ASB15: variants seen among roughly 807,000 people sequenced by gnomAD.
ASB15 encodes ankyrin repeat and SOCS box protein 15.
A neutral mutation model predicts 58.0 loss-of-function variants in ASB15; 54 were observed. The ratio of observed to expected loss-of-function variants is 0.93; its 90% confidence interval spans 0.75 to 1.17. The LOEUF (loss-of-function observed/expected upper bound fraction) is 1.17. Among genes scored for constraint, ASB15 ranks in the 50% most tolerant of loss-of-function variants. The pLI, the probability that ASB15 is intolerant of heterozygous loss-of-function variation, is 0.00. For missense variants in ASB15, 680 were observed against 707.4 expected, an observed-to-expected ratio of 0.96 and a Z score of 0.44; for synonymous variants, 249 against 262.4, an observed-to-expected ratio of 0.95 and a Z score of 0.50.
intron 3 of ASB15, among the ~76,000 whole-genome samples, chr7:123,612,753 A>G (rs1211864866): frequency 3.3e-5 from 5 of 152,208 alleles, no homozygotes; most frequent in African/African-American, 1.2e-4. Context: ...AAGAGCCCGA[A>G]TTATATTTCA....
At chr7:123,618,534 A>G (rs959699139) in intron 7 of ASB15, among the ~76,000 whole-genome samples, 7 of 152,310 alleles carry the variant, frequency 4.6e-5, no homozygotes, top group African/African-American at 1.7e-4. Context: ...TAGAGAAAAA[A>G]TATATAAAAG....
chr7:123,618,740 T>A (rs561634772), intron 7 of ASB15, among the ~76,000 whole-genome samples: 2 of 151,984 alleles, frequency 1.3e-5, no homozygotes, highest in South Asian at 4.2e-4. Flanking sequence ...CACAGAGGAA[T>A]CACTTAAAAA....
At chr7:123,582,666 C>T (rs1299516333) in intron 1 of ASB15, among the ~76,000 whole-genome samples, 1 of 151,868 alleles carries the variant, frequency 6.6e-6, no homozygotes, top group Non-Finnish European at 1.5e-5. Context: ...CTCGAAAACT[C>T]CTTCTTATCC....
rs1374607540 is a variant in ASB15, at chr7:123,627,166, G to A, written c.754G>A (p.Gly252Arg). The change falls in exon 9 of 12, where the codon GGA becomes AGA. Residue 252 changes from glycine to arginine, a missense_variant. Physicochemically the swap from Gly to Arg is moderately radical, Grantham distance 125. Coordinates refer to ENST00000451215, the MANE Select transcript of ASB15 (RefSeq NM_001290258.2). ...GGCGTCGGTGCTGTTTGAGGCAGCA[G>A]GAGGTGGCAATCCCGACTGCATTTC... ...DGASVLFEAAGGGNPDCISLL... is the reference protein window; with the variant it reads ...DGASVLFEAARGGNPDCISLL... 2.5e-6 allele frequency: 4 copies of A among 1,614,084 alleles called. No homozygotes were observed. The highest frequency in any genetic ancestry group is 3.4e-6 in the Non-Finnish European group (4 of 1,179,968).
At chr7:123,599,688 A>G (rs371788849), upstream of ASB15, among the ~76,000 whole-genome samples, 26 of 152,352 alleles carry the variant, frequency 1.7e-4, no homozygotes, top group African/African-American at 6.0e-4. Flanking sequence ...TGCTTCAACT[A>G]TTTTAACCTA....
rs542257623 is a variant in ASB15 at position 123,620,379 on chromosome 7, A to G, written c.451+2642A>G. 8.0e-5 allele frequency: 12 copies of G among 150,638 alleles called. 1 individual carries two copies. The East Asian group carries it at 2.1e-3, about 27-fold the overall frequency. 9.3% of individuals were successfully genotyped at this position (150,638 alleles called of 1,614,324 possible). A position where few individuals can be genotyped will look rare whatever the true frequency, so the allele number is the denominator to read the frequency against. Reference sequence around the variant, plus strand: ...CTGCATACATTTTAATCTGCCTTTAAATCACAGTCACGTGACACTTTTCAT... The same window carrying G: ...CTGCATACATTTTAATCTGCCTTTAGATCACAGTCACGTGACACTTTTCAT... On this transcript the variant is annotated intron_variant, in intron 7 of 11. Transcript: ENST00000451215.
In ASB15 at chr7:123,617,430, G is replaced by A. The variant is rs149350948; in HGVS notation, c.293-149G>A. The A allele has an allele frequency of 9.1e-4, 644 of 710,350 alleles. 10 individuals carry two copies. The East Asian group carries it at 0.016, about 18-fold the overall frequency. The allele number at this position is 710,350 out of a possible 1,614,324, so 44.0% of individuals were successfully genotyped here. On this transcript the variant is annotated intron_variant, in intron 6 of 11. Coordinates refer to ENST00000451215, the MANE Select transcript of ASB15 (RefSeq NM_001290258.2). ...CATGTGCATCTACTTTATCCTCACC[G>A]TCATTTGGTAAACTTTTGTCAAAGT... is the stretch of plus-strand genomic sequence containing the variant.
At chr7:123,620,523 TATATATATATATATATATATATATATATA>T (rs1801188665) in intron 7 of ASB15, among the ~76,000 whole-genome samples, 23 of 13,500 alleles carry the variant, frequency 1.7e-3, no homozygotes, top group South Asian at 4.3e-3. Context: ...TATATATATA[TATATATATATATATATATATATATATATA>T]TATTTTTTTT....
At chr7:123,628,508 T>C (rs1801938588) in intron 9 of ASB15, among the ~76,000 whole-genome samples, 1 of 152,212 alleles carries the variant, frequency 6.6e-6, no homozygotes, top group South Asian at 2.1e-4. Context: ...TTAGAAAGGC[T>C]TACTTTTCTT....
Position 123,630,046 on chromosome 7 carries a change from T to C in ASB15, c.1521T>C (p.Tyr507=), listed in dbSNP as rs771253689. ...GTGTACTAATAGATTACATGGATTA[T>C]GTTCCTCTGTGTGCTAAACTGAAGT... ...VTRVLIDYMD[Y]VPLCAKLKSA... The change falls in exon 11 of 12, where the codon TAT becomes TAC. Residue 507 remains tyrosine, a synonymous_variant. Transcript: ENST00000451215. 8 of 1,608,246 alleles carry C rather than the reference T, an allele frequency of 5.0e-6. No individual in the cohort carries two copies. In the Admixed American group the frequency reaches 1.3e-4, roughly 27 times the overall value.
At chr7:123,594,797 G>A (rs891073798) in intron 1 of ASB15, among the ~76,000 whole-genome samples, 1 of 152,166 alleles carries the variant, frequency 6.6e-6, no homozygotes, top group Non-Finnish European at 1.5e-5. Flanking sequence ...GCCATGCTGG[G>A]AGAACCACTG....
At chr7:123,594,028 T>C (rs1020930134) in intron 1 of ASB15, among the ~76,000 whole-genome samples, 2 of 152,096 alleles carry the variant, frequency 1.3e-5, no homozygotes, top group East Asian at 3.9e-4. Flanking sequence ...TTTCACTAAT[T>C]TGATCATCAA....
At chr7:123,569,217 A>G (rs550934715) in intron 1 of ASB15, among the ~76,000 whole-genome samples, 202 of 152,338 alleles carry the variant, frequency 1.3e-3, no homozygotes, top group African/African-American at 4.8e-3. Flanking sequence ...GACAGACGTA[A>G]ATGGCAATCT....
intron 1 of ASB15, among the ~76,000 whole-genome samples, chr7:123,567,942 T>A (rs913936967): frequency 3.9e-5 from 6 of 152,182 alleles, no homozygotes; most frequent in Non-Finnish European, 8.8e-5. Flanking sequence ...CAAAATGATT[T>A]GGATTTTTAC....
intron 1 of ASB15, among the ~76,000 whole-genome samples, chr7:123,568,235 G>A (rs768206089): frequency 8.5e-5 from 13 of 152,166 alleles, no homozygotes; most frequent in Non-Finnish European, 1.8e-4. Context: ...AAAACTGGCT[G>A]GGCGCGGTGG....
intron 2 of ASB15, among the ~76,000 whole-genome samples, chr7:123,604,432 A>C (rs1800036664): frequency 6.6e-6 from 1 of 151,884 alleles, no homozygotes. Context: ...AAATACAAAA[A>C]TTAGCCCAGC....
intron 1 of ASB15, among the ~76,000 whole-genome samples, chr7:123,583,905 C>T (rs1799304622): frequency 6.6e-6 from 1 of 151,930 alleles, no homozygotes; most frequent in Admixed American, 6.6e-5. Flanking sequence ...CTGTCCTCAT[C>T]TTACTTGACT....
At chr7:123,616,597 A>G in intron 6 of ASB15, 102 bp downstream of exon 6, 1 of 1,261,808 alleles carries the variant, frequency 7.9e-7, no homozygotes, top group Non-Finnish European at 1.1e-6. Context: ...AAGAAAAGGC[A>G]GATTAAAATA....
chr7:123,627,031 C>T, intron 8 of ASB15, 79 bp from the exon 9 acceptor site: 2 of 1,444,326 alleles, frequency 1.4e-6, no homozygotes, highest in Middle Eastern at 2.4e-4. Context: ...CCATGCCCAG[C>T]CCCACAACAG....
Sources: allele counts gnomAD v4.1 joint callset (sites outside exome capture counted in the v4.1 genomes callset), GRCh38; gene constraint gnomAD v4.1.1; transcripts MANE v1.5; gene names NCBI Gene and HGNC (gene_info 2026-07-23, HGNC 2026-07-21).